CCDC171: variants seen among roughly 807,000 people sequenced by gnomAD.
The protein encoded by CCDC171 is coiled-coil domain-containing protein 171.
A neutral mutation model predicts 168.2 loss-of-function variants in CCDC171; 177 were observed. The observed-to-expected ratio is 1.05, with a 90% CI of 0.93 to 1.19. The LOEUF (loss-of-function observed/expected upper bound fraction) is 1.19, where lower values mean the gene tolerates loss of function less well. CCDC171 is among the 50% of genes most tolerant of loss of function. CCDC171 has a pLI of 0.00. For synonymous variants in CCDC171, 687 were observed against 540.8 expected (o/e 1.27, Z -3.75); for missense variants, 1,991 against 1,539.0 (o/e 1.29, Z -4.91).
At chr9:15,989,274 C>G (rs1832105408) in intron 3 of CCDC171, among the ~76,000 whole-genome samples, 2 of 151,500 alleles carry the variant, frequency 1.3e-5, no homozygotes, top group African/African-American at 2.4e-5. Flanking sequence ...GTCAGCAATA[C>G]TCACTATTCT....
intron 7 of CCDC171, among the ~76,000 whole-genome samples, chr9:15,651,389 G>A (rs772114917): frequency 1.9e-4 from 29 of 151,668 alleles, no homozygotes; most frequent in Middle Eastern, 3.4e-3. Flanking sequence ...GATTACAGGC[G>A]TGAGCCACCG....
At chr9:15,593,595 A>T (rs1430174619) in intron 5 of CCDC171, among the ~76,000 whole-genome samples, 1 of 152,116 alleles carries the variant, frequency 6.6e-6, no homozygotes, top group African/African-American at 2.4e-5. Context: ...TATATAAATT[A>T]TCAGGGATAA....
intron 1 of CCDC171, among the ~76,000 whole-genome samples, chr9:16,051,665 T>A (rs1833752247): frequency 6.6e-6 from 1 of 152,234 alleles, no homozygotes; most frequent in Admixed American, 6.5e-5. Flanking sequence ...GGATCTGGAA[T>A]CAAACCCCAG....
At chr9:15,631,734 C>T (rs1291896125) in intron 7 of CCDC171, among the ~76,000 whole-genome samples, 1 of 152,202 alleles carries the variant, frequency 6.6e-6, no homozygotes, top group Non-Finnish European at 1.5e-5. Flanking sequence ...GAATTTTAGA[C>T]CACTATCCTT....
At chr9:15,769,380 C>T (rs1459044101) in intron 18 of CCDC171, among the ~76,000 whole-genome samples, 7 of 152,052 alleles carry the variant, frequency 4.6e-5, no homozygotes, top group African/African-American at 1.7e-4. Flanking sequence ...GTTCATAGAC[C>T]TCTTCTCAAA....
chr9:15,623,473 G>GCGCGCGCACACA, intron 7 of CCDC171, 60 bp downstream of exon 7: 1 of 464,174 alleles, frequency 2.2e-6, no homozygotes, highest in Non-Finnish European at 3.6e-6. Context: ...ATGCGCGCGC[G>GCGCGCGCACACA]CGCACACACA....
intron 8 of CCDC171, among the ~76,000 whole-genome samples, chr9:15,664,338 T>G (rs1450949901): frequency 6.6e-6 from 1 of 151,974 alleles, no homozygotes; most frequent in Non-Finnish European, 1.5e-5. Flanking sequence ...AGCCTTGACT[T>G]CCCCAGCTCA....
At chr9:15,915,841 A>C (rs1455150816) in intron 24 of CCDC171, among the ~76,000 whole-genome samples, 1 of 152,136 alleles carries the variant, frequency 6.6e-6, no homozygotes, top group Admixed American at 6.6e-5. Flanking sequence ...AATTTTACCA[A>C]ATGCCTTCTC....
chr9:15,597,817 T>G (rs1368129259), intron 6 of CCDC171, among the ~76,000 whole-genome samples: 2 of 152,180 alleles, frequency 1.3e-5, no homozygotes, highest in Admixed American at 1.3e-4. Context: ...TTGCCTCAAT[T>G]TCAGAGCCTG....
chr9:15,852,029 A>G (rs2061150216), intron 23 of CCDC171, among the ~76,000 whole-genome samples: 1 of 151,696 alleles, frequency 6.6e-6, no homozygotes, highest in Admixed American at 6.6e-5. Flanking sequence ...ATGAATAGTG[A>G]ATGCTGCTGT....
chr9:15,626,964 T>C (rs937862704), intron 7 of CCDC171, among the ~76,000 whole-genome samples: 1 of 152,242 alleles, frequency 6.6e-6, no homozygotes, highest in Non-Finnish European at 1.5e-5. Flanking sequence ...TTTTGGTTTG[T>C]AGGCTATTAA....
chr9:15,817,936 G>T (rs1197692450), intron 21 of CCDC171, among the ~76,000 whole-genome samples: 1 of 118,002 alleles, frequency 8.5e-6, no homozygotes, highest in East Asian at 2.1e-4. Flanking sequence ...TAGCTGGGAG[G>T]CATCCCCCGG....
chr9:15,684,431 A>T (rs1417531227), intron 10 of CCDC171, among the ~76,000 whole-genome samples: 2 of 151,480 alleles, frequency 1.3e-5, no homozygotes, highest in Non-Finnish European at 1.5e-5. Context: ...CATGGTTTTT[A>T]TTGTTATTTA....
chr9:15,915,932 T>G (rs2131916174), intron 24 of CCDC171, among the ~76,000 whole-genome samples: 2 of 152,294 alleles, frequency 1.3e-5, no homozygotes, highest in Middle Eastern at 6.8e-3. Context: ...TTACATATAT[T>G]GAACCATCCT....
At chr9:16,037,253 C>T (rs1166553634) in intron 8 of CCDC171, among the ~76,000 whole-genome samples, 3 of 152,078 alleles carry the variant, frequency 2.0e-5, no homozygotes, top group Non-Finnish European at 2.9e-5. Context: ...CCACTCTGTA[C>T]CCAATAAATA....
chr9:15,821,994 C>A (rs2059793361), intron 21 of CCDC171, among the ~76,000 whole-genome samples: 1 of 151,880 alleles, frequency 6.6e-6, no homozygotes, highest in Non-Finnish European at 1.5e-5. Flanking sequence ...AGATATAGAC[C>A]CCGGAACACA....
At chr9:16,079,373 G>A in the CCDC171 span, among the ~76,000 whole-genome samples, 1 of 152,152 alleles carries the variant, frequency 6.6e-6, no homozygotes, top group Non-Finnish European at 1.5e-5. Context: ...GTTAAAATGA[G>A]GTAATTAGGA....
Position 15,607,378 on chromosome 9 carries a change from G to T in CCDC171, c.675+13206G>T, listed in dbSNP as rs537759050. 3.9e-5 allele frequency among the ~76,000 whole-genome samples: 6 copies of T among 152,202 alleles called. No individual in the cohort carries two copies. In the East Asian group the frequency reaches 7.7e-4, roughly 20 times the overall value. On this transcript the variant is annotated intron_variant, in intron 6 of 25. Coordinates refer to ENST00000380701, the MANE Select transcript of CCDC171 (RefSeq NM_173550.4). ...AATTTTCTGTCTGTATACATTGACA[G>T]TATATTGTATTATTTTAGTATTTTT...
At chr9:16,017,472 A>G (rs1415183071) in intron 3 of CCDC171, among the ~76,000 whole-genome samples, 1 of 152,120 alleles carries the variant, frequency 6.6e-6, no homozygotes, top group African/African-American at 2.4e-5. Context: ...AGTGAACCTC[A>G]TAGTCCATAC....
Sources: gnomAD v4.1 joint callset for allele counts (sites outside exome capture counted in the v4.1 genomes callset) on GRCh38, gnomAD v4.1.1 for gene constraint, MANE v1.5 for transcripts, NCBI Gene and HGNC (gene_info 2026-07-23, HGNC 2026-07-21) for gene names.